NBEA: variants seen among roughly 807,000 people sequenced by gnomAD.
NBEA encodes lysosomal-trafficking regulator 2.
A neutral mutation model predicts 343.4 loss-of-function variants in NBEA; 44 were observed. That is an observed-to-expected ratio of 0.13 (90% CI 0.10 to 0.16). The LOEUF (loss-of-function observed/expected upper bound fraction) is 0.16. Among genes scored for constraint, NBEA ranks in the 10% least tolerant of loss-of-function variants. NBEA has a pLI of 1.00. For missense variants in NBEA, 2,555 were observed against 3,631.3 expected, an observed-to-expected ratio of 0.70 and a Z score of 7.62; for synonymous variants, 1,175 against 1,238.7, an observed-to-expected ratio of 0.95 and a Z score of 1.08.
intron 34 of NBEA, among the ~76,000 whole-genome samples, chr13:35,286,767 T>TTTTTG (rs372228604): frequency 5.5e-4 from 83 of 152,098 alleles, no homozygotes; most frequent in Middle Eastern, 6.8e-3. Flanking sequence ...TTGTGGCAGT[T>TTTTTG]TTTTGTTTTG....
At chr13:35,390,951 A>G (rs1009922836) in intron 38 of NBEA, among the ~76,000 whole-genome samples, 2 of 152,054 alleles carry the variant, frequency 1.3e-5, no homozygotes, top group South Asian at 4.1e-4. Context: ...CTTACCTGAA[A>G]ATTCTTAAAT....
intron 1 of NBEA, among the ~76,000 whole-genome samples, chr13:34,950,079 C>CA (rs1566082045): frequency 6.6e-6 from 1 of 152,100 alleles, no homozygotes; most frequent in African/African-American, 2.4e-5. Flanking sequence ...TTTAGGGAGT[C>CA]ATTCTTGATT....
At chr13:35,558,688 G>A (rs2079704976) in intron 44 of NBEA, among the ~76,000 whole-genome samples, 1 of 152,200 alleles carries the variant, frequency 6.6e-6, no homozygotes, top group African/African-American at 2.4e-5. Context: ...AGAATCAGAA[G>A]CCGGCAACCT....
chr13:34,948,707 C>T (rs757629348), intron 1 of NBEA, among the ~76,000 whole-genome samples: 2 of 152,024 alleles, frequency 1.3e-5, no homozygotes, highest in Non-Finnish European at 2.9e-5. Context: ...TCTAGCAGTT[C>T]CGTTTTACAG....
chr13:34,951,234 GA>G (rs1229103841), intron 1 of NBEA, among the ~76,000 whole-genome samples: 3 of 151,912 alleles, frequency 2.0e-5, no homozygotes, highest in African/African-American at 7.3e-5. Context: ...TCAACAATAG[GA>G]AAACATTAAA....
chr13:35,027,513 T>C (rs190726098), intron 1 of NBEA, among the ~76,000 whole-genome samples: 1 of 152,100 alleles, frequency 6.6e-6, no homozygotes, highest in Admixed American at 6.6e-5. Context: ...CGTGTTCATG[T>C]TTTCTGCCCA....
chr13:35,112,289 T>C (rs1301532599), intron 13 of NBEA, among the ~76,000 whole-genome samples: 1 of 152,110 alleles, frequency 6.6e-6, no homozygotes, highest in Non-Finnish European at 1.5e-5. Flanking sequence ...GCTTCTTCCA[T>C]TGCTTTTAAG....
chr13:35,153,726 T>C (rs1242053545), intron 18 of NBEA, among the ~76,000 whole-genome samples: 1 of 152,192 alleles, frequency 6.6e-6, no homozygotes, highest in Non-Finnish European at 1.5e-5. Context: ...TTTTGTTTCC[T>C]GTGCAATGTG....
chr13:34,987,358 G>T (rs185224825), intron 1 of NBEA, among the ~76,000 whole-genome samples: 3 of 151,224 alleles, frequency 2.0e-5, no homozygotes, highest in Admixed American at 6.6e-5. Context: ...TCTGCCGAGA[G>T]ATCTGCTGTT....
intron 38 of NBEA, among the ~76,000 whole-genome samples, chr13:35,421,882 A>G (rs2044296217): frequency 6.6e-6 from 1 of 151,976 alleles, no homozygotes; most frequent in Admixed American, 6.6e-5. Flanking sequence ...ATATATTGTC[A>G]TTCTGTTTTA....
At chr13:35,547,819 G>A (rs901410147) in intron 41 of NBEA, among the ~76,000 whole-genome samples, 1 of 152,108 alleles carries the variant, frequency 6.6e-6, no homozygotes, top group Middle Eastern at 3.2e-3. Flanking sequence ...AACACAGGAG[G>A]TGGAGGTCGC....
chr13:35,174,714 A>G (rs550970221), intron 27 of NBEA, among the ~76,000 whole-genome samples: 249 of 152,162 alleles, frequency 1.6e-3, no homozygotes, highest in Non-Finnish European at 2.9e-3. Flanking sequence ...GTAATGCCTG[A>G]TATCATTTGT....
intron 1 of NBEA, among the ~76,000 whole-genome samples, chr13:34,947,979 A>G (rs2059238070): frequency 6.6e-6 from 1 of 152,238 alleles, no homozygotes; most frequent in East Asian, 1.9e-4. Flanking sequence ...GAATCTGGTA[A>G]AAACTTTTCA....
intron 32 of NBEA, 124 bp downstream of exon 32, chr13:35,208,978 G>T (rs1041023398): frequency 9.7e-6 from 8 of 825,456 alleles, no homozygotes; most frequent in East Asian, 6.0e-5. Context: ...TTTTAAGAAG[G>T]TTATATTTTA....
intron 38 of NBEA, among the ~76,000 whole-genome samples, chr13:35,427,646 A>G (rs1476140243): frequency 6.6e-6 from 1 of 151,950 alleles, no homozygotes; most frequent in Admixed American, 6.6e-5. Context: ...GAGAACCACT[A>G]CTCTCTTCAA....
At chr13:35,092,463 C>T (rs2065136519) in intron 10 of NBEA, among the ~76,000 whole-genome samples, 2 of 151,930 alleles carry the variant, frequency 1.3e-5, no homozygotes, top group South Asian at 4.2e-4. Context: ...CAGCAAATTG[C>T]TTATTTGACA....
chr13:35,263,908 A>G (rs2033439204), intron 34 of NBEA, among the ~76,000 whole-genome samples: 1 of 151,962 alleles, frequency 6.6e-6, no homozygotes, highest in Non-Finnish European at 1.5e-5. Context: ...AGTAGCAGGA[A>G]GGAAATAATA....
chr13:35,160,120 CT>C (rs772938621), intron 22 of NBEA, 88 bp downstream of exon 22: 1,244 of 1,198,338 alleles, frequency 1.0e-3, no homozygotes, highest in Non-Finnish European at 1.2e-3. Context: ...TTATCAGTTA[CT>C]TCATGTTTAT....
chr13:35,039,729 G>A (rs2062579902), intron 1 of NBEA, among the ~76,000 whole-genome samples: 1 of 152,110 alleles, frequency 6.6e-6, no homozygotes, highest in Admixed American at 6.6e-5. Context: ...GTGGTCATCT[G>A]TCAGTATTTG....
Sources: allele counts gnomAD v4.1 joint callset (sites outside exome capture counted in the v4.1 genomes callset), GRCh38; gene constraint gnomAD v4.1.1; transcripts MANE v1.5; gene names NCBI Gene and HGNC (gene_info 2026-07-23, HGNC 2026-07-21).